Variants in CHRDL2 observed in about 807,000 individuals in gnomAD.
CHRDL2 encodes chordin like 2, also known as chordin-like protein 2.
In CHRDL2, 41 loss-of-function variants were observed where a neutral mutation model predicts 54.3. The ratio of observed to expected loss-of-function variants is 0.76; its 90% CI spans 0.59 to 0.98. The LOEUF (loss-of-function observed/expected upper bound fraction) is 0.98, where lower values mean the gene tolerates loss of function less well. Ranked by LOEUF, CHRDL2 falls within the 50% of genes least tolerant of loss-of-function variation. CHRDL2 has a pLI of 0.00. For synonymous variants in CHRDL2, 220 were observed against 224.3 expected, an observed-to-expected ratio of 0.98 and a Z score of 0.17; for missense variants, 518 against 562.4, an observed-to-expected ratio of 0.92 and a Z score of 0.80.
At chr11:74,715,508 C>T (rs2034324030) in intron 2 of CHRDL2, among the ~76,000 whole-genome samples, 1 of 150,948 alleles carries the variant, frequency 6.6e-6, no homozygotes, top group Non-Finnish European at 1.5e-5. Context: ...GAGGCTGAGG[C>T]AGAAGTATTG....
intron 2 of CHRDL2, among the ~76,000 whole-genome samples, chr11:74,714,397 T>C (rs1360165700): frequency 6.6e-6 from 1 of 152,212 alleles, no homozygotes; most frequent in Non-Finnish European, 1.5e-5. Context: ...CCCGCTTTGT[T>C]CACAATTCTG....
intron 10 of CHRDL2, among the ~76,000 whole-genome samples, chr11:74,696,867 T>C (rs2033613128): frequency 6.6e-6 from 1 of 152,100 alleles, no homozygotes; most frequent in Admixed American, 6.6e-5. Flanking sequence ...CCCACCTGGG[T>C]CCATCTTCCT....
In CHRDL2 at chr11:74,731,025, G is replaced by T; in HGVS notation, c.-137C>A. 1 of 668,036 alleles carries T rather than the reference G, an allele frequency of 1.5e-6. No individual in the cohort carries two copies. Among genetic ancestry groups the T allele is most frequent in the South Asian group, 1.9e-5 (1 of 53,270 alleles). 41.4% of individuals were successfully genotyped at this position (668,036 alleles called of 1,614,324 possible). ...GCTGCTAGAGCGGGGTCGGAGAAGGGCCAGGAAGCAGCGGTGGGCAGGAAA... is the reference window on the plus strand; with the variant it reads ...GCTGCTAGAGCGGGGTCGGAGAAGGTCCAGGAAGCAGCGGTGGGCAGGAAA... On this transcript the variant is annotated 5_prime_UTR_variant, in exon 1 of 11. Coordinates refer to ENST00000376332, the MANE Select transcript of CHRDL2 (RefSeq NM_001278473.3). The surrounding 1 kb of genome is among the most constrained non-coding windows in gnomAD (Gnocchi z 4.4).
At chr11:74,697,553 C>G in intron 9 of CHRDL2, 1 of 549,960 alleles carries the variant, frequency 1.8e-6, no homozygotes, top group South Asian at 1.9e-5. Context: ...TTCACTCCCC[C>G]TCTAATCTGC....
At chr11:74,700,151 C>T (rs1284284973) in intron 9 of CHRDL2, among the ~76,000 whole-genome samples, 1 of 152,186 alleles carries the variant, frequency 6.6e-6, no homozygotes, top group Non-Finnish European at 1.5e-5. Flanking sequence ...GTCATTTGAC[C>T]TCTCAGACTC....
chr11:74,718,432 G>A (rs2034417837), intron 2 of CHRDL2, among the ~76,000 whole-genome samples: 2 of 152,226 alleles, frequency 1.3e-5, no homozygotes, highest in Admixed American at 1.3e-4. Flanking sequence ...GGGAGGCAGG[G>A]AGGCTGGCAC....
chr11:74,713,328 G>T, intron 3 of CHRDL2, 58 bp downstream of exon 3: 3 of 1,464,336 alleles, frequency 2.0e-6, no homozygotes, highest in Non-Finnish European at 1.9e-6. Context: ...CAGCTAGAGG[G>T]CTACACTGGG....
intron 9 of CHRDL2, chr11:74,697,622 C>T (rs748262115): frequency 3.6e-5 from 17 of 476,110 alleles, no homozygotes; most frequent in Non-Finnish European, 4.6e-5. Flanking sequence ...CCTTCCCTGA[C>T]GTCCTGTCGC....
At chr11:74,712,062 G>A (rs933798940) in intron 3 of CHRDL2, among the ~76,000 whole-genome samples, 8 of 151,884 alleles carry the variant, frequency 5.3e-5, no homozygotes, top group East Asian at 1.9e-4. Flanking sequence ...CGCCCGCCTC[G>A]GCCTCCCAAA....
intron 4 of CHRDL2, 74 bp downstream of exon 4, chr11:74,710,775 C>T (rs1392906863): frequency 1.7e-5 from 26 of 1,520,004 alleles, no homozygotes; most frequent in South Asian, 2.6e-5. Context: ...CCCCCCAGTC[C>T]GCAGTCCAGG....
chr11:74,711,815 T>C (rs999842360), intron 3 of CHRDL2, among the ~76,000 whole-genome samples: 38 of 150,956 alleles, frequency 2.5e-4, no homozygotes, highest in African/African-American at 8.1e-4. Context: ...TTTTCCTTTT[T>C]TTCTTTTTTT....
chr11:74,704,216 TA>T (rs944098946), intron 7 of CHRDL2, among the ~76,000 whole-genome samples: 3 of 152,080 alleles, frequency 2.0e-5, no homozygotes, highest in African/African-American at 7.2e-5. Flanking sequence ...CGGTAGATGC[TA>T]AAAAAAATCT....
chr11:74,708,251 C>T (rs1163123781), intron 5 of CHRDL2, 51 bp downstream of exon 5: 2 of 1,313,188 alleles, frequency 1.5e-6, no homozygotes, highest in Admixed American at 5.0e-5. Flanking sequence ...ATGGCTAGGC[C>T]CATGGAGTGG....
intron 1 of CHRDL2, among the ~76,000 whole-genome samples, chr11:74,719,455 C>G (rs887174016): frequency 2.0e-5 from 3 of 149,094 alleles, no homozygotes; most frequent in African/African-American, 5.0e-5. Context: ...TGTAGCCCAC[C>G]TTTTGAACAA....
At chr11:74,704,929 G>A (rs1198682225) in intron 6 of CHRDL2, among the ~76,000 whole-genome samples, 3 of 152,202 alleles carry the variant, frequency 2.0e-5, no homozygotes, top group Admixed American at 6.5e-5. Context: ...GGGCCTTGGG[G>A]TTGGGGTGGG....
chr11:74,697,179 C>T (rs35620595), intron 10 of CHRDL2, 26 bp downstream of exon 10: 2 of 1,585,484 alleles, frequency 1.3e-6, no homozygotes, highest in Non-Finnish European at 1.7e-6. Context: ...CCTGCCCCGG[C>T]CCCATTCCTC....
At chr11:74,715,237 G>A (rs1224643113) in intron 2 of CHRDL2, among the ~76,000 whole-genome samples, 1 of 152,162 alleles carries the variant, frequency 6.6e-6, no homozygotes, top group East Asian at 1.9e-4. Flanking sequence ...CTGAGCACTA[G>A]GAATTAGTGG....
chr11:74,712,833 C>T lies in CHRDL2; in HGVS notation c.289+553G>A, dbSNP rs576608819. 3.3e-5 allele frequency among the ~76,000 whole-genome samples: 5 copies of T among 152,310 alleles called. No homozygotes were observed. In the South Asian group the frequency reaches 8.3e-4, roughly 25 times the overall value. ...AGACCACCTCTCCTTTCTCTGACTT[C>T]TTCTTCCTAGAATCTTATTCTCAGA... is the stretch of plus-strand genomic sequence containing the variant. On this transcript the variant is annotated intron_variant, in intron 3 of 10. Transcript: ENST00000376332.
chr11:74,710,215 C>CAAA (rs1180503358), intron 4 of CHRDL2, among the ~76,000 whole-genome samples: 4 of 74,006 alleles, frequency 5.4e-5, no homozygotes, highest in Admixed American at 4.6e-4. Context: ...GACTCCGTCT[C>CAAA]AAAAAAAAAA....
Sources: gnomAD v4.1 joint callset for allele counts (sites outside exome capture counted in the v4.1 genomes callset) on GRCh38, gnomAD v4.1.1 for gene constraint, Gnocchi (gnomAD v3.1) non-coding constraint, MANE v1.5 for transcripts, NCBI Gene and HGNC (gene_info 2026-07-23, HGNC 2026-07-21) for gene names.